PTPN3: variants seen among roughly 807,000 people sequenced by gnomAD.
PTPN3 encodes the protein protein tyrosine phosphatase non-receptor type 3.
Under a neutral mutation model 132.7 loss-of-function variants are expected in PTPN3, and 96 were observed. The observed-to-expected ratio is 0.72, with a 90% CI of 0.61 to 0.86. PTPN3 has a LOEUF of 0.86. Ranked by LOEUF, PTPN3 falls within the 40% of genes least tolerant of loss-of-function variation. PTPN3 has a pLI of 0.00. For synonymous variants in PTPN3, 398 were observed against 429.0 expected, an observed-to-expected ratio of 0.93 and a Z score of 0.89; for missense variants, 1,125 against 1,159.6, an observed-to-expected ratio of 0.97 and a Z score of 0.43.
At chr9:109,392,500 C>A (rs1415768203) in intron 19 of PTPN3, 1 of 151,946 alleles carries the variant, frequency 6.6e-6, no homozygotes, top group Non-Finnish European at 1.5e-5. Flanking sequence ...TTTTTCTGTG[C>A]CTACATGAAC....
At chr9:109,530,885 C>T in the PTPN3 span, among the ~76,000 whole-genome samples, 1 of 152,064 alleles carries the variant, frequency 6.6e-6, no homozygotes, top group Non-Finnish European at 1.5e-5. Flanking sequence ...AGTGTCTATT[C>T]TAGTACTTTG....
chr9:109,460,615 T>C (rs773172727), intron 2 of PTPN3, among the ~76,000 whole-genome samples: 2 of 152,222 alleles, frequency 1.3e-5, no homozygotes, highest in Non-Finnish European at 2.9e-5. Context: ...TTTGCACTGC[T>C]GTTCCTTCTC....
chr9:109,488,302 G>A (rs544129281), intron 1 of PTPN3, among the ~76,000 whole-genome samples: 1 of 151,862 alleles, frequency 6.6e-6, no homozygotes, highest in South Asian at 2.1e-4. Context: ...GTTTTGCCAC[G>A]TTGGCCAGTC....
chr9:109,532,840 C>T, the PTPN3 span: 3 of 1,062,624 alleles, frequency 2.8e-6, no homozygotes, highest in Non-Finnish European at 2.5e-6. Flanking sequence ...TTACTCAGCC[C>T]CGCCCTGCTT....
At chr9:109,468,528 G>A (rs558283006) in intron 1 of PTPN3, among the ~76,000 whole-genome samples, 4 of 152,006 alleles carry the variant, frequency 2.6e-5, no homozygotes, top group Non-Finnish European at 4.4e-5. Context: ...CACCACGCCC[G>A]GCTAATTTTT....
intron 18 of PTPN3, among the ~76,000 whole-genome samples, chr9:109,406,085 C>T (rs750938190): frequency 5.9e-5 from 9 of 152,182 alleles, no homozygotes; most frequent in Admixed American, 2.6e-4. Context: ...CAAACACGCA[C>T]GAATAAAATA....
In PTPN3 at chr9:109,376,828, T is replaced by C. The variant is rs2131558126; in HGVS notation, c.*2728A>G. 1 of 152,378 alleles carries C rather than the reference T, an allele frequency of 6.6e-6. No individual in the cohort carries two copies. The highest frequency in any genetic ancestry group is 3.4e-3 in the Middle Eastern group (1 of 294). 9.4% of individuals were successfully genotyped at this position (152,378 alleles called of 1,614,324 possible). A position where few individuals can be genotyped will look rare whatever the true frequency, so the allele number is the denominator to read the frequency against. ...TAGCTACAGGATTTACTTGAATTGT[T>C]TGCTCTTTTAGGTAATTCTCTTGTC... On this transcript the variant is annotated 3_prime_UTR_variant, in exon 26 of 26. Coordinates refer to ENST00000374541, the MANE Select transcript of PTPN3 (RefSeq NM_002829.4).
At chr9:109,475,263 A>G (rs1160501001) in intron 1 of PTPN3, among the ~76,000 whole-genome samples, 1 of 152,230 alleles carries the variant, frequency 6.6e-6, no homozygotes, top group Non-Finnish European at 1.5e-5. Context: ...AACAATTCCA[A>G]GGTTAAGTTT....
chr9:109,380,433 T>C (rs1184872871), intron 25 of PTPN3, among the ~76,000 whole-genome samples: 1 of 152,320 alleles, frequency 6.6e-6, no homozygotes, highest in African/African-American at 2.4e-5. Flanking sequence ...TTTTTGTATT[T>C]TCATTAGAGA....
At chr9:109,479,676 C>T (rs1846866066) in intron 1 of PTPN3, among the ~76,000 whole-genome samples, 1 of 152,132 alleles carries the variant, frequency 6.6e-6, no homozygotes, top group Admixed American at 6.5e-5. Context: ...GCCTCCCAGG[C>T]TCAATGGATC....
At chr9:109,534,653 AT>A in the PTPN3 span, among the ~76,000 whole-genome samples, 455 of 140,778 alleles carry the variant, frequency 3.2e-3, 4 homozygotes, top group East Asian at 7.5e-3. Flanking sequence ...AAAAAAAAAA[AT>A]ACCTGGGCGT....
chr9:109,471,799 C>T (rs1008202923), intron 1 of PTPN3, among the ~76,000 whole-genome samples: 61 of 152,126 alleles, frequency 4.0e-4, no homozygotes, highest in African/African-American at 1.1e-3. Flanking sequence ...TACCAACGCA[C>T]CCAGCTTGAA....
rs562685150 is a variant in PTPN3 at position 109,479,512 on chromosome 9, T to C, written c.-17-16061A>G. On this transcript the variant is annotated intron_variant, in intron 1 of 25. Transcript: ENST00000374541. ...CATACAAGTATCTGTCCGAGTCCACTTTCAATTCTTTCAGGTATATACGTA... is the reference window on the plus strand; with the variant it reads ...CATACAAGTATCTGTCCGAGTCCACCTTCAATTCTTTCAGGTATATACGTA... Among the ~76,000 whole-genome samples, 47 of 152,372 alleles carry C rather than the reference T, an allele frequency of 3.1e-4. No individual in the cohort carries two copies. The South Asian group carries it at 8.9e-3, about 29-fold the overall frequency.
intron 9 of PTPN3, among the ~76,000 whole-genome samples, chr9:109,435,940 G>C (rs1416964090): frequency 6.6e-6 from 1 of 152,150 alleles, no homozygotes; most frequent in East Asian, 1.9e-4. Context: ...AAAAATAAAT[G>C]AAAGTGTTTC....
intron 19 of PTPN3, 43 bp downstream of exon 19, chr9:109,404,405 A>T (rs200637390): frequency 2.8e-5 from 37 of 1,321,446 alleles, no homozygotes; most frequent in Middle Eastern, 5.5e-4. Flanking sequence ...GGGCAGCCCA[A>T]TAGGCGACAT....
At chr9:109,427,215 GCAA>G (rs1443390494) in intron 11 of PTPN3, 93 bp from the exon 12 acceptor site, 1 of 1,343,000 alleles carries the variant, frequency 7.4e-7, no homozygotes, top group African/African-American at 1.5e-5. Context: ...GAGGTAAGAT[GCAA>G]CAGACAGCAG....
chr9:109,391,528 T>A lies in PTPN3; in HGVS notation c.1987A>T (p.Thr663Ser). ...AAATTTTGAGGCAGCTTTGCAAACG[T>A]GATGGCCAAACCTGGCTTTTTTCTG... Reference protein sequence around the residue: ...LYRKKPGLAITFAKLPQNLDK... With the variant: ...LYRKKPGLAISFAKLPQNLDK... Residue 663 changes from threonine (T) to serine (S), a missense_variant, in exon 20 of 26, where the codon ACG (threonine) becomes TCG (serine). Transcript: ENST00000374541. The A allele has an allele frequency of 6.2e-7, 1 of 1,614,046 alleles. No individual in the cohort carries two copies.
chr9:109,419,197 A>G (rs1209273582), intron 14 of PTPN3, among the ~76,000 whole-genome samples: 1 of 152,240 alleles, frequency 6.6e-6, no homozygotes, highest in South Asian at 2.1e-4. Context: ...ATTTAACCAG[A>G]GGTGTTAAGA....
Position 109,417,775 on chromosome 9 carries a change from A to T in PTPN3, c.1313+2649T>A, listed in dbSNP as rs940563083. On this transcript the variant is annotated intron_variant, in intron 14 of 25. Coordinates refer to ENST00000374541, the MANE Select transcript of PTPN3 (RefSeq NM_002829.4). Reference sequence around the variant, plus strand: ...TTGACCCCCTGACATGTCTATTGTCAGTGCACCTGGTAAAACCCCACAAGG... The same window carrying T: ...TTGACCCCCTGACATGTCTATTGTCTGTGCACCTGGTAAAACCCCACAAGG... 6 of 985,268 alleles carry T rather than the reference A, an allele frequency of 6.1e-6. No homozygotes were observed. In the African/African-American group the frequency reaches 1.0e-4, roughly 17 times the overall value. 61.0% of individuals were successfully genotyped at this position (985,268 alleles called of 1,614,324 possible).
Sources: allele counts gnomAD v4.1 joint callset (sites outside exome capture counted in the v4.1 genomes callset), GRCh38; gene constraint gnomAD v4.1.1; transcripts MANE v1.5; gene names NCBI Gene and HGNC (gene_info 2026-07-23, HGNC 2026-07-21).